Variants in AFDN observed in about 807,000 individuals in gnomAD.
The protein encoded by AFDN is afadin, adherens junction formation factor.
A neutral mutation model predicts 216.6 loss-of-function variants in AFDN; 68 were observed. That is an observed-to-expected ratio of 0.31 (90% CI 0.26 to 0.38). AFDN has a LOEUF of 0.38. AFDN is among the 10% of genes least tolerant of loss of function. The pLI is 1.00. For synonymous variants in AFDN, 868 were observed against 853.7 expected (o/e 1.02, Z -0.29); for missense variants, 2,136 against 2,342.0 (o/e 0.91, Z 1.82).
At chr6:167,872,786 G>A (rs762143437) in intron 4 of AFDN, among the ~76,000 whole-genome samples, 2 of 152,094 alleles carry the variant, frequency 1.3e-5, no homozygotes, top group African/African-American at 2.4e-5. Flanking sequence ...TGAAAAGCAG[G>A]TTTTCCCTTT....
intron 1 of AFDN, among the ~76,000 whole-genome samples, chr6:167,838,114 A>G (rs1254422242): frequency 1.3e-5 from 2 of 152,210 alleles, no homozygotes; most frequent in Admixed American, 6.5e-5. Context: ...TTTTGTAACT[A>G]TATACAAACC....
At chr6:167,855,853 CATT>C (rs1782833781) in intron 1 of AFDN, among the ~76,000 whole-genome samples, 1 of 152,130 alleles carries the variant, frequency 6.6e-6, no homozygotes, top group Non-Finnish European at 1.5e-5. Context: ...TGTGATGCAT[CATT>C]ACTTTTCTGA....
intron 1 of AFDN, among the ~76,000 whole-genome samples, chr6:167,829,899 T>C (rs1779639475): frequency 6.6e-6 from 1 of 152,182 alleles, no homozygotes; most frequent in Non-Finnish European, 1.5e-5. Flanking sequence ...TTTTCCTTTG[T>C]ATTCACATTT....
At chr6:167,898,127 A>G (rs1788505988) in intron 10 of AFDN, 78 bp from the exon 11 acceptor site, 27 of 1,479,864 alleles carry the variant, frequency 1.8e-5, no homozygotes, top group Non-Finnish European at 2.2e-5. Flanking sequence ...TAAAAGGGGT[A>G]CTCACGGTTT....
At chr6:167,853,183 G>C (rs1160016924) in intron 1 of AFDN, among the ~76,000 whole-genome samples, 2 of 152,048 alleles carry the variant, frequency 1.3e-5, no homozygotes, top group East Asian at 1.9e-4. Flanking sequence ...TTCCAATTCA[G>C]AATGGCCTTG....
intron 23 of AFDN, among the ~76,000 whole-genome samples, chr6:167,934,592 C>A (rs1466508095): frequency 6.6e-6 from 1 of 152,154 alleles, no homozygotes; most frequent in East Asian, 1.9e-4. Context: ...TCATTTCAGC[C>A]ACTTATTGTT....
At position 167,898,420 on chromosome 6, in the gene AFDN, A is replaced by G; in HGVS notation, c.1533A>G (p.Arg511=). 1 of 1,614,214 alleles carries G rather than the reference A, an allele frequency of 6.2e-7. No individual in the cohort carries two copies. Residue 511 remains arginine (R), a synonymous_variant, in exon 11 of 34, where the codon AGA becomes AGG. Coordinates refer to ENST00000683244, the MANE Select transcript of AFDN (RefSeq NM_001386888.1). ...DPSQDHALAK[R]SVDGGLMVKG... Reference sequence around the variant, plus strand: ...GTCAGGATCATGCTCTTGCAAAAAGATCTGTGGATGGAGGCCTGATGGTTA... The same window carrying G: ...GTCAGGATCATGCTCTTGCAAAAAGGTCTGTGGATGGAGGCCTGATGGTTA...
At chr6:167,913,913 C>A in intron 16 of AFDN, 1 of 495,926 alleles carries the variant, frequency 2.0e-6, no homozygotes, top group Non-Finnish European at 3.5e-6. Context: ...TCCGCTGATT[C>A]CATCTATAAA....
chr6:167,908,059 G>A (rs950560549), intron 13 of AFDN, among the ~76,000 whole-genome samples: 2 of 152,234 alleles, frequency 1.3e-5, no homozygotes, highest in African/African-American at 4.8e-5. Flanking sequence ...AAGACTGCAT[G>A]ACTTCTATGG....
intron 23 of AFDN, among the ~76,000 whole-genome samples, chr6:167,928,297 C>A (rs1157114519): frequency 6.6e-6 from 1 of 152,234 alleles, no homozygotes; most frequent in Non-Finnish European, 1.5e-5. Flanking sequence ...TGGCCTCTGG[C>A]CTCTGGTTGT....
intron 13 of AFDN, among the ~76,000 whole-genome samples, chr6:167,907,799 A>G (rs560399302): frequency 6.0e-5 from 9 of 151,154 alleles, no homozygotes; most frequent in South Asian, 4.2e-4. Context: ...TTTTTCTGAC[A>G]TTGTTCTTGC....
At chr6:167,899,535 T>C (rs1387701228) in intron 11 of AFDN, among the ~76,000 whole-genome samples, 1 of 152,246 alleles carries the variant, frequency 6.6e-6, no homozygotes, top group Admixed American at 6.5e-5. Flanking sequence ...TTCCTGTCCC[T>C]TGTCATTAGC....
chr6:167,926,741 G>A (rs1301189171), intron 23 of AFDN, among the ~76,000 whole-genome samples: 1 of 152,150 alleles, frequency 6.6e-6, no homozygotes, highest in Non-Finnish European at 1.5e-5. Context: ...AGGACTTGCT[G>A]GCAGCTCACT....
rs532332575 is a variant in AFDN, at chr6:167,899,175, C to G, written c.1580+708C>G. On this transcript the variant is annotated intron_variant, in intron 11 of 33. Transcript: ENST00000683244. ...TCTACGGCATGCCTTTGATTAGCCA[C>G]CCAGACCTTACACATTGGGCCACAT... 1.4e-4 allele frequency among the ~76,000 whole-genome samples: 22 copies of G among 152,134 alleles called. No individual in the cohort carries two copies. In the South Asian group the frequency reaches 4.6e-3, roughly 32 times the overall value.
In AFDN at chr6:167,904,665, G is replaced by A. The variant is rs537325784; in HGVS notation, c.1650+2279G>A. Reference sequence around the variant, plus strand: ...AGAAGACAATACTACCATCTGCAGCGTTGCTCCAATAGAAACCTCTTCCCC... The same window carrying A: ...AGAAGACAATACTACCATCTGCAGCATTGCTCCAATAGAAACCTCTTCCCC... On this transcript the variant is annotated intron_variant, in intron 12 of 33. Coordinates refer to ENST00000683244, the MANE Select transcript of AFDN (RefSeq NM_001386888.1). Among the ~76,000 whole-genome samples, 40 of 152,182 alleles carry A rather than the reference G, an allele frequency of 2.6e-4. No homozygotes were observed. The South Asian group carries it at 7.5e-3, about 28-fold the overall frequency.
intron 5 of AFDN, among the ~76,000 whole-genome samples, chr6:167,879,147 T>C (rs1562598084): frequency 6.6e-6 from 1 of 152,194 alleles, no homozygotes; most frequent in African/African-American, 2.4e-5. Context: ...GGAGAGCCCC[T>C]GGGCAGTGTG....
chr6:167,853,687 A>G (rs1382514160), intron 1 of AFDN, among the ~76,000 whole-genome samples: 2 of 152,088 alleles, frequency 1.3e-5, no homozygotes, highest in Non-Finnish European at 2.9e-5. Context: ...AACCAAATAC[A>G]GGTTGTGTGT....
At chr6:167,877,255 G>T (rs1264829378) in intron 5 of AFDN, among the ~76,000 whole-genome samples, 1 of 152,062 alleles carries the variant, frequency 6.6e-6, no homozygotes, top group Non-Finnish European at 1.5e-5. Flanking sequence ...GAATGTTTGG[G>T]GGTGGAAGGT....
rs1797491627 is a variant in AFDN, at chr6:167,965,868, C to T, written c.5080C>T (p.Pro1694Ser). Residue 1694 changes from proline (P) to serine (S), a missense_variant, in exon 32 of 34, where the codon CCG becomes TCG. Physicochemically the swap from Pro to Ser is moderately conservative, Grantham distance 74 (BLOSUM62 -1). Coordinates refer to ENST00000683244, the MANE Select transcript of AFDN (RefSeq NM_001386888.1). ...CGAGGCGCCCGGTCTGTGCCGCCCT[C>T]CGCTTCCCCGGGACTACGAGCCCCC... ...EPEAPGLCRP[P>S]LPRDYEPPSP... The T allele has an allele frequency of 1.9e-6, 3 of 1,549,022 alleles. No homozygotes were observed. Among genetic ancestry groups the T allele is most frequent in the Admixed American group, 2.0e-5 (1 of 50,974 alleles).
Sources: gnomAD v4.1 joint callset for allele counts (sites outside exome capture counted in the v4.1 genomes callset) on GRCh38, gnomAD v4.1.1 for gene constraint, MANE v1.5 for transcripts, NCBI Gene and HGNC (gene_info 2026-07-23, HGNC 2026-07-21) for gene names.